MAGI3: variants seen among roughly 807,000 people sequenced by gnomAD.
The protein encoded by MAGI3 is membrane-associated guanylate kinase, WW and PDZ domain-containing protein 3.
Under a neutral mutation model 121.8 loss-of-function variants are expected in MAGI3, and 43 were observed. That is an observed-to-expected ratio of 0.35 (90% CI 0.28 to 0.46). The LOEUF (loss-of-function observed/expected upper bound fraction) is 0.46, where lower values mean the gene tolerates loss of function less well. MAGI3 is among the 20% of genes least tolerant of loss of function. The pLI is 1.00. For missense variants in MAGI3, 1,547 were observed against 1,797.3 expected, an observed-to-expected ratio of 0.86 and a Z score of 2.52; for synonymous variants, 553 against 639.3, an observed-to-expected ratio of 0.86 and a Z score of 2.04.
At chr1:113,517,520 G>T (rs575882380) in intron 1 of MAGI3, among the ~76,000 whole-genome samples, 32 of 152,004 alleles carry the variant, frequency 2.1e-4, no homozygotes, top group African/African-American at 7.0e-4. Flanking sequence ...TAGGCACAAA[G>T]GTGCAAAGTA....
intron 1 of MAGI3, among the ~76,000 whole-genome samples, chr1:113,485,600 T>C (rs1421476047): frequency 6.6e-6 from 1 of 152,220 alleles, no homozygotes; most frequent in East Asian, 1.9e-4. Flanking sequence ...AGACTTTCTC[T>C]CACTCTGTGG....
intron 2 of MAGI3, among the ~76,000 whole-genome samples, chr1:113,549,984 C>T (rs1386605898): frequency 2.6e-5 from 4 of 151,444 alleles, no homozygotes; most frequent in African/African-American, 4.9e-5. Context: ...AGTGTGGTGG[C>T]GGGCGCCTAT....
chr1:113,672,836 T>C (rs1647643276), intron 18 of MAGI3, 95 bp downstream of exon 18: 1 of 1,446,442 alleles, frequency 6.9e-7, no homozygotes. Flanking sequence ...CAGATAAATT[T>C]GTTTCCAAAA....
At chr1:113,567,621 C>T (rs1028505687) in intron 2 of MAGI3, among the ~76,000 whole-genome samples, 3 of 152,048 alleles carry the variant, frequency 2.0e-5, no homozygotes, top group Non-Finnish European at 4.4e-5. Context: ...ATATAAGACT[C>T]AGTCAATATA....
intron 1 of MAGI3, among the ~76,000 whole-genome samples, chr1:113,509,640 AT>A (rs1657517027): frequency 8.3e-6 from 1 of 119,778 alleles, no homozygotes; most frequent in Admixed American, 9.6e-5. Flanking sequence ...TCACCAGAAT[AT>A]CTTCTCTCCA....
chr1:113,643,785 A>T lies in MAGI3; in HGVS notation c.1998+11A>T. ...AAAACTGCCAAAATGGTGAGTATAC[A>T]CTGGTCCTCAAATCTTTTCCCCAAC... On this transcript the variant is annotated intron_variant, in intron 11 of 20. Transcript: ENST00000307546. 6.2e-7 allele frequency: 1 copy of T among 1,612,570 alleles called. No individual in the cohort carries two copies.
chr1:113,663,534 G>A (rs373487616), intron 16 of MAGI3, among the ~76,000 whole-genome samples: 1 of 151,950 alleles, frequency 6.6e-6, no homozygotes, highest in Admixed American at 6.6e-5. Flanking sequence ...GCATGCATCA[G>A]TACTGCATTC....
At chr1:113,598,693 G>C (rs184018108) in intron 6 of MAGI3, among the ~76,000 whole-genome samples, 1 of 151,962 alleles carries the variant, frequency 6.6e-6, no homozygotes, top group African/African-American at 2.4e-5. Context: ...ATTACTATTA[G>C]ACCTAAGAAA....
rs1049152473 is a variant in MAGI3 at position 113,603,790 on chromosome 1, T to G, written c.1018+9230T>G. Among the ~76,000 whole-genome samples the G allele has an allele frequency of 3.3e-5, 5 of 151,510 alleles. No homozygotes were observed. In the South Asian group the frequency reaches 8.3e-4, roughly 25 times the overall value. On this transcript the variant is annotated intron_variant, in intron 6 of 20. Coordinates refer to ENST00000307546, the MANE Select transcript of MAGI3 (RefSeq NM_001142782.2). ...AACTCAAACAAGTCAGAAAAATAAA[T>G]AAATAAAACCCACCAAATAATGCCA...
At chr1:113,512,696 T>A (rs998041129) in intron 1 of MAGI3, among the ~76,000 whole-genome samples, 13 of 152,160 alleles carry the variant, frequency 8.5e-5, no homozygotes, top group Non-Finnish European at 1.6e-4. Flanking sequence ...ACTGGAAGCA[T>A]TCCCTTTGAA....
At position 113,393,293 on chromosome 1, in the gene MAGI3, A is replaced by G. The variant is rs1650924322; in HGVS notation, c.316+1944A>G. On this transcript the variant is annotated intron_variant, in intron 1 of 20. Coordinates refer to ENST00000307546, the MANE Select transcript of MAGI3 (RefSeq NM_001142782.2). ...CAGCCACAGACACTGTTCTATTTTA[A>G]AGATTTAGCCAAAATAAAGGGAATA... Among the ~76,000 whole-genome samples, 3 of 152,322 alleles carry G rather than the reference A, an allele frequency of 2.0e-5. No individual in the cohort carries two copies. In the South Asian group the frequency reaches 6.2e-4, roughly 32 times the overall value.
chr1:113,416,410 TAA>T (rs1491034745), intron 1 of MAGI3, among the ~76,000 whole-genome samples: 12 of 93,102 alleles, frequency 1.3e-4, no homozygotes, highest in Non-Finnish European at 2.1e-4. Context: ...AATTAATTAA[TAA>T]TTAATAATTA....
At chr1:113,461,068 C>A (rs1655009270) in intron 1 of MAGI3, among the ~76,000 whole-genome samples, 1 of 152,050 alleles carries the variant, frequency 6.6e-6, no homozygotes, top group Admixed American at 6.6e-5. Flanking sequence ...AAACACTCCT[C>A]AAATAAATCA....
intron 1 of MAGI3, among the ~76,000 whole-genome samples, chr1:113,531,978 T>C (rs745473797): frequency 1.2e-4 from 19 of 152,182 alleles, no homozygotes; most frequent in Non-Finnish European, 2.5e-4. Flanking sequence ...ATAATTCAGT[T>C]CTTAAGTCTC....
At chr1:113,644,123 A>G (rs1652700789) in intron 11 of MAGI3, among the ~76,000 whole-genome samples, 1 of 152,182 alleles carries the variant, frequency 6.6e-6, no homozygotes, top group African/African-American at 2.4e-5. Flanking sequence ...CTAAATGTTA[A>G]GACAGATGAT....
At position 113,684,839 on chromosome 1, in the gene MAGI3, C is replaced by T. The variant is rs2101047064; in HGVS notation, c.*825C>T. ...ATTTAATTATGAAACCATAAAGAAG[C>T]ATGTGGAAATAGTGTTTATTGCTCT... On this transcript the variant is annotated 3_prime_UTR_variant, in exon 21 of 21. Coordinates refer to ENST00000307546, the MANE Select transcript of MAGI3 (RefSeq NM_001142782.2). 1 of 152,420 alleles carries T rather than the reference C, an allele frequency of 6.6e-6. No individual in the cohort carries two copies. Among genetic ancestry groups the T allele is most frequent in the Non-Finnish European group, 1.5e-5 (1 of 68,022 alleles). The allele number at this position is 152,420 out of a possible 1,614,324, so 9.4% of individuals were successfully genotyped here. A position where few individuals can be genotyped will look rare whatever the true frequency, so the allele number is the denominator to read the frequency against.
intron 9 of MAGI3, 22 bp downstream of exon 9, chr1:113,623,016 T>C (rs2101789475): frequency 6.8e-7 from 1 of 1,479,830 alleles, no homozygotes; most frequent in Non-Finnish European, 8.9e-7. Context: ...TTCATAATTA[T>C]TTGAAGAGTA....
chr1:113,450,076 A>G lies in MAGI3; in HGVS notation c.316+58727A>G, dbSNP rs1654399179. The G allele has an allele frequency of 2.6e-6, 4 of 1,517,360 alleles. No individual in the cohort carries two copies. The Admixed American group carries it at 6.7e-5, about 25-fold the overall frequency. The allele number at this position is 1,517,360 out of a possible 1,614,324, so 94.0% of individuals were successfully genotyped here. On this transcript the variant is annotated intron_variant, in intron 1 of 20. Transcript: ENST00000307546. ...TATAATTTGAGAGACTTCTTTGAAAAGTATGGCAAAATTGAAACCATAGAA... is the reference window on the plus strand; with the variant it reads ...TATAATTTGAGAGACTTCTTTGAAAGGTATGGCAAAATTGAAACCATAGAA...
intron 1 of MAGI3, among the ~76,000 whole-genome samples, chr1:113,418,953 A>AT (rs1027104996): frequency 6.6e-6 from 1 of 152,076 alleles, no homozygotes; most frequent in Non-Finnish European, 1.5e-5. Flanking sequence ...TCAAACACTT[A>AT]TTTTTTTGCT....
Sources: allele counts gnomAD v4.1 joint callset (sites outside exome capture counted in the v4.1 genomes callset), GRCh38; gene constraint gnomAD v4.1.1; transcripts MANE v1.5; gene names NCBI Gene and HGNC (gene_info 2026-07-23, HGNC 2026-07-21).